NTRK2: variants seen among roughly 807,000 people sequenced by gnomAD.
NTRK2 encodes neurotrophic receptor tyrosine kinase 2.
NTRK2 carries 13 observed loss-of-function variants against 94.5 expected under a neutral mutation model. The ratio of observed to expected loss-of-function variants is 0.14; its 90% CI spans 0.09 to 0.22. The LOEUF (loss-of-function observed/expected upper bound fraction) is 0.22, where lower values mean the gene tolerates loss of function less well. NTRK2 is among the 10% of genes least tolerant of loss of function. The pLI is 1.00. For synonymous variants in NTRK2, 372 were observed against 407.4 expected (o/e 0.91, Z 1.05); for missense variants, 639 against 1,071.2 (o/e 0.60, Z 5.63).
chr9:84,912,414 T>C (rs980965662), intron 14 of NTRK2, among the ~76,000 whole-genome samples: 1 of 152,128 alleles, frequency 6.6e-6, no homozygotes, highest in Non-Finnish European at 1.5e-5. Flanking sequence ...TGTCCTCGTA[T>C]GGTTTTCAGC....
At chr9:84,747,335 A>G (rs1461546345) in intron 11 of NTRK2, among the ~76,000 whole-genome samples, 1 of 152,152 alleles carries the variant, frequency 6.6e-6, no homozygotes, top group African/African-American at 2.4e-5. Context: ...GCCGTATGCA[A>G]TCATTTTAGT....
intron 17 of NTRK2, among the ~76,000 whole-genome samples, chr9:84,963,121 G>T (rs570700603): frequency 1.2e-4 from 18 of 152,212 alleles, no homozygotes; most frequent in Non-Finnish European, 2.1e-4. Context: ...GAGGAGGAAG[G>T]CCAGGTTGCT....
intron 12 of NTRK2, among the ~76,000 whole-genome samples, chr9:84,845,101 C>T (rs2074399318): frequency 6.6e-6 from 1 of 152,194 alleles, no homozygotes; most frequent in African/African-American, 2.4e-5. Context: ...AGCACTACCA[C>T]TACCAGGTAT....
intron 16 of NTRK2, among the ~76,000 whole-genome samples, chr9:84,953,472 G>A (rs1823724636): frequency 2.0e-5 from 3 of 152,198 alleles, no homozygotes; most frequent in Admixed American, 2.0e-4. Context: ...AAATCACACA[G>A]CAAGTGTAGG....
chr9:85,004,089 A>G (rs1456471378), intron 17 of NTRK2, among the ~76,000 whole-genome samples: 1 of 145,000 alleles, frequency 6.9e-6, no homozygotes, highest in African/African-American at 2.5e-5. Flanking sequence ...AGAGGGAGAG[A>G]GAAAGGAAGG....
intron 2 of NTRK2, among the ~76,000 whole-genome samples, chr9:84,684,042 G>GT (rs1293323716): frequency 2.9e-5 from 3 of 101,870 alleles, no homozygotes; most frequent in African/African-American, 1.0e-4. Context: ...TTTTTTTATG[G>GT]GTTTTTTTTT....
chr9:84,674,599 A>G (rs1208591012), intron 2 of NTRK2, among the ~76,000 whole-genome samples: 1 of 152,226 alleles, frequency 6.6e-6, no homozygotes, highest in Non-Finnish European at 1.5e-5. Context: ...TATGCATTTA[A>G]GAGCCATGTA....
At chr9:85,002,988 G>A (rs779612301) in intron 17 of NTRK2, among the ~76,000 whole-genome samples, 4 of 152,154 alleles carry the variant, frequency 2.6e-5, no homozygotes, top group Admixed American at 6.5e-5. Flanking sequence ...ACAGTTGGGG[G>A]ACGGAGCTGA....
chr9:84,888,954 C>A (rs1039620957), intron 14 of NTRK2, among the ~76,000 whole-genome samples: 21 of 139,222 alleles, frequency 1.5e-4, no homozygotes, highest in African/African-American at 5.7e-4. Flanking sequence ...CATTGGCGAA[C>A]TTTCCCCATT....
chr9:84,867,510 A>G, intron 14 of NTRK2, 79 bp downstream of exon 14: 1 of 1,228,820 alleles, frequency 8.1e-7, no homozygotes, highest in Non-Finnish European at 1.2e-6. Context: ...AGCCCCTGAT[A>G]GGGATGACTG....
intron 14 of NTRK2, among the ~76,000 whole-genome samples, chr9:84,905,599 T>C (rs1449694558): frequency 1.3e-5 from 2 of 152,152 alleles, no homozygotes; most frequent in Non-Finnish European, 2.9e-5. Flanking sequence ...AAACATGAAA[T>C]TTTAGGTGTA....
At chr9:84,673,938 A>C (rs564843808) in intron 2 of NTRK2, among the ~76,000 whole-genome samples, 81 of 152,238 alleles carry the variant, frequency 5.3e-4, no homozygotes, top group Non-Finnish European at 1.0e-3. Context: ...AATGAATTTA[A>C]ACGCAGTACC....
chr9:84,874,545 T>C lies in NTRK2; in HGVS notation c.1633+7114T>C, dbSNP rs1216209746. Reference sequence around the variant, plus strand: ...GTTGTAGTGGGTTTTTGTTTGTTTTTGTTTAGTTTTTCTTGATTGTTCTTC... The same window carrying C: ...GTTGTAGTGGGTTTTTGTTTGTTTTCGTTTAGTTTTTCTTGATTGTTCTTC... On this transcript the variant is annotated intron_variant, in intron 14 of 18. Coordinates refer to ENST00000277120, the MANE Select transcript of NTRK2 (RefSeq NM_006180.6). The C allele has an allele frequency of 1.5e-5, 16 of 1,064,950 alleles. No homozygotes were observed. The Admixed American group carries it at 3.2e-4, about 21-fold the overall frequency. The allele number at this position is 1,064,950 out of a possible 1,614,324, so 66.0% of individuals were successfully genotyped here.
chr9:84,715,407 C>T (rs1379832486), intron 6 of NTRK2, among the ~76,000 whole-genome samples: 1 of 152,068 alleles, frequency 6.6e-6, no homozygotes. Context: ...GGAAGCTTAA[C>T]TGCATCATTC....
At chr9:84,834,545 A>T (rs7870666) in intron 12 of NTRK2, among the ~76,000 whole-genome samples, 50,890 of 151,830 alleles carry the variant, frequency 0.34, 9,809 homozygotes, top group African/African-American at 0.54. Flanking sequence ...AGTCTGGAGC[A>T]TCTAGGAACC....
chr9:84,702,706 G>A (rs779077220), intron 4 of NTRK2, among the ~76,000 whole-genome samples: 1 of 152,178 alleles, frequency 6.6e-6, no homozygotes, highest in Non-Finnish European at 1.5e-5. Flanking sequence ...CTGTGTCCTT[G>A]CACAGAGTTC....
intron 12 of NTRK2, among the ~76,000 whole-genome samples, chr9:84,843,595 A>T (rs2074305288): frequency 6.6e-6 from 1 of 152,160 alleles, no homozygotes; most frequent in Non-Finnish European, 1.5e-5. Context: ...GGCTCTCCAA[A>T]GGTGGGTCAC....
chr9:84,760,543 C>T (rs1409722959), intron 12 of NTRK2, among the ~76,000 whole-genome samples: 2 of 152,086 alleles, frequency 1.3e-5, no homozygotes, highest in African/African-American at 2.4e-5. Flanking sequence ...TACAAATGTG[C>T]TGATATGTGT....
intron 17 of NTRK2, among the ~76,000 whole-genome samples, chr9:85,009,610 A>C (rs974051355): frequency 6.6e-6 from 1 of 152,240 alleles, no homozygotes; most frequent in Non-Finnish European, 1.5e-5. Flanking sequence ...TCATGTCTTC[A>C]GCTCAGAGCA....
Sources: gnomAD v4.1 joint callset for allele counts (sites outside exome capture counted in the v4.1 genomes callset) on GRCh38, gnomAD v4.1.1 for gene constraint, MANE v1.5 for transcripts, NCBI Gene and HGNC (gene_info 2026-07-23, HGNC 2026-07-21) for gene names.